Variants in NTRK2 observed in about 807,000 individuals in gnomAD.
The protein encoded by NTRK2 is neurotrophic receptor tyrosine kinase 2.
In NTRK2, 13 loss-of-function variants were observed where a neutral mutation model predicts 94.5. The observed-to-expected ratio is 0.14, with a 90% confidence interval of 0.09 to 0.22. The LOEUF is 0.22. Ranked by LOEUF, NTRK2 falls within the 10% of genes least tolerant of loss-of-function variation. NTRK2 has a pLI of 1.00. For synonymous variants in NTRK2, 372 were observed against 407.4 expected, an observed-to-expected ratio of 0.91 and a Z score of 1.05; for missense variants, 639 against 1,071.2, an observed-to-expected ratio of 0.60 and a Z score of 5.63.
intron 12 of NTRK2, among the ~76,000 whole-genome samples, chr9:84,843,203 T>G (rs2074281203): frequency 6.6e-6 from 1 of 152,158 alleles, no homozygotes; most frequent in Non-Finnish European, 1.5e-5. Flanking sequence ...AATCTCAACA[T>G]TTTAAGTTAG....
chr9:84,949,499 G>A (rs1009984550), intron 16 of NTRK2, among the ~76,000 whole-genome samples: 3 of 151,484 alleles, frequency 2.0e-5, no homozygotes, highest in Admixed American at 1.3e-4. Flanking sequence ...ACAGAGTCTC[G>A]CTCTGTCACC....
chr9:84,734,201 C>A (rs2063091641), intron 9 of NTRK2, among the ~76,000 whole-genome samples: 1 of 152,208 alleles, frequency 6.6e-6, no homozygotes, highest in South Asian at 2.1e-4. Flanking sequence ...TAGAAGGTTG[C>A]CGCCTTGAGG....
Position 84,941,656 on chromosome 9 carries a change from A to G in NTRK2, c.1765-6806A>G, listed in dbSNP as rs73651152. Among the ~76,000 whole-genome samples, 724 of 152,290 alleles carry G rather than the reference A, an allele frequency of 4.8e-3. 5 individuals are homozygous for G. The highest frequency in any genetic ancestry group is 0.015 in the African/African-American group (634 of 41,578). ...CACCAGCTCCTTTATGTCTAGCAAAATTTTATTGGAAAATTTTATGCTGGT... is the reference window on the plus strand; with the variant it reads ...CACCAGCTCCTTTATGTCTAGCAAAGTTTTATTGGAAAATTTTATGCTGGT... On this transcript the variant is annotated intron_variant, in intron 15 of 18. Transcript: ENST00000277120.
chr9:84,780,611 G>A lies in NTRK2; in HGVS notation c.1396+28526G>A, dbSNP rs894664498. 2.8e-4 allele frequency among the ~76,000 whole-genome samples: 43 copies of A among 152,128 alleles called. 1 individual carries two copies. Among genetic ancestry groups the A allele is most frequent in the Non-Finnish European group, 2.2e-4 (15 of 68,028 alleles). ...GGGGAATACCAAGGTCCAGCTCTGCGCAACTTTACCTTAAGAGTCTGTGAT... is the reference window on the plus strand; with the variant it reads ...GGGGAATACCAAGGTCCAGCTCTGCACAACTTTACCTTAAGAGTCTGTGAT... On this transcript the variant is annotated intron_variant, in intron 12 of 18. Transcript: ENST00000277120.
intron 2 of NTRK2, among the ~76,000 whole-genome samples, chr9:84,689,777 A>AC (rs771294990): frequency 6.6e-6 from 1 of 151,950 alleles, no homozygotes; most frequent in African/African-American, 2.4e-5. Flanking sequence ...TCAAACCATG[A>AC]CCCCCCATAA....
At chr9:84,825,478 C>G (rs2073127393) in intron 12 of NTRK2, among the ~76,000 whole-genome samples, 2 of 152,136 alleles carry the variant, frequency 1.3e-5, no homozygotes, top group South Asian at 4.1e-4. Context: ...CCTCTTCCTC[C>G]CACCACCCTC....
chr9:84,987,996 C>T (rs1301434196), intron 17 of NTRK2, among the ~76,000 whole-genome samples: 2 of 152,252 alleles, frequency 1.3e-5, no homozygotes, highest in Non-Finnish European at 2.9e-5. Flanking sequence ...CAAGTGCTTA[C>T]TTAGCCCCCA....
At chr9:84,840,958 C>T (rs1207708544) in intron 12 of NTRK2, among the ~76,000 whole-genome samples, 1 of 152,150 alleles carries the variant, frequency 6.6e-6, no homozygotes, top group Non-Finnish European at 1.5e-5. Flanking sequence ...TCTTCACTGG[C>T]TCCAGGCTGC....
chr9:84,856,077 C>A (rs763451659), intron 12 of NTRK2, among the ~76,000 whole-genome samples: 16 of 152,252 alleles, frequency 1.1e-4, no homozygotes, highest in Admixed American at 2.0e-4. Context: ...GGAGGTTCAG[C>A]CAAATACACA....
intron 9 of NTRK2, among the ~76,000 whole-genome samples, chr9:84,734,843 A>G (rs1475109121): frequency 6.6e-6 from 1 of 152,206 alleles, no homozygotes; most frequent in Non-Finnish European, 1.5e-5. Flanking sequence ...AGCAGCATGC[A>G]AACAGGCTAA....
At chr9:84,730,920 T>C (rs936992423) in intron 9 of NTRK2, among the ~76,000 whole-genome samples, 1 of 151,838 alleles carries the variant, frequency 6.6e-6, no homozygotes, top group Admixed American at 6.6e-5. Context: ...GAAGTTTAGC[T>C]CTCACAAATA....
rs2132717626 is a variant in NTRK2 at position 84,934,149 on chromosome 9, C to T, written c.1634-13C>T. On this transcript the variant is annotated splice_polypyrimidine_tract_variant and intron_variant, in intron 14 of 18. Transcript: ENST00000277120. Reference sequence around the variant, plus strand: ...GCTTCAATTCCAATTTCCATTCTGTCTTTGTTTTGCAGTTGTTCAGCACAT... The same window carrying T: ...GCTTCAATTCCAATTTCCATTCTGTTTTTGTTTTGCAGTTGTTCAGCACAT... The T allele has an allele frequency of 3.7e-6, 6 of 1,613,674 alleles. No homozygotes were observed. Among genetic ancestry groups the T allele is most frequent in the Non-Finnish European group, 5.1e-6 (6 of 1,179,754 alleles).
At chr9:84,996,558 C>T (rs1257121865) in intron 17 of NTRK2, among the ~76,000 whole-genome samples, 1 of 152,208 alleles carries the variant, frequency 6.6e-6, no homozygotes, top group Non-Finnish European at 1.5e-5. Flanking sequence ...GGAGTCTGCC[C>T]ACACTGTGTG....
chr9:84,978,961 A>G (rs1240808984), intron 17 of NTRK2, among the ~76,000 whole-genome samples: 1 of 152,216 alleles, frequency 6.6e-6, no homozygotes. Context: ...TAAGCCTGCT[A>G]TTGCAACATG....
intron 12 of NTRK2, among the ~76,000 whole-genome samples, chr9:84,787,126 C>T (rs1349313725): frequency 4.0e-5 from 6 of 151,788 alleles, no homozygotes; most frequent in East Asian, 1.9e-4. Context: ...GGTGAAACCC[C>T]GTCTCTACTA....
chr9:84,820,489 G>C (rs1587502152), intron 12 of NTRK2, among the ~76,000 whole-genome samples: 1 of 152,148 alleles, frequency 6.6e-6, no homozygotes, highest in South Asian at 2.1e-4. Flanking sequence ...CTTTTGACCA[G>C]AAGTCTTACT....
At chr9:84,720,027 A>C (rs929797018) in intron 6 of NTRK2, among the ~76,000 whole-genome samples, 3 of 151,688 alleles carry the variant, frequency 2.0e-5, no homozygotes, top group Non-Finnish European at 4.4e-5. Flanking sequence ...CAAAAAAAAA[A>C]AAAAAAAAAA....
intron 2 of NTRK2, among the ~76,000 whole-genome samples, chr9:84,694,557 C>T (rs1587997176): frequency 1.3e-5 from 2 of 152,226 alleles, no homozygotes; most frequent in African/African-American, 4.8e-5. Flanking sequence ...TCACCTGCAC[C>T]TGCTCAGGGA....
At chr9:84,711,317 T>C (rs2061406786) in intron 6 of NTRK2, among the ~76,000 whole-genome samples, 1 of 152,214 alleles carries the variant, frequency 6.6e-6, no homozygotes, top group African/African-American at 2.4e-5. Context: ...CTTCTCCCCA[T>C]GTCTGGATTT....
Sources: allele counts gnomAD v4.1 joint callset (sites outside exome capture counted in the v4.1 genomes callset), GRCh38; gene constraint gnomAD v4.1.1; transcripts MANE v1.5; gene names NCBI Gene and HGNC (gene_info 2026-07-23, HGNC 2026-07-21).